SKIDA1: variants seen among roughly 807,000 people sequenced by gnomAD.
The protein encoded by SKIDA1 is SKI/DACH domain-containing protein 1.
In SKIDA1, 18 loss-of-function variants were observed where a neutral mutation model predicts 51.4. The ratio of observed to expected loss-of-function variants is 0.35; its 90% CI spans 0.24 to 0.52. The LOEUF is 0.52. SKIDA1 is among the 20% of genes least tolerant of loss of function. The pLI is 0.95. For synonymous variants in SKIDA1, 579 were observed against 500.5 expected, an observed-to-expected ratio of 1.16 and a Z score of -2.09; for missense variants, 1,104 against 1,180.6, an observed-to-expected ratio of 0.94 and a Z score of 0.95.
chr10:21,516,989 G>C lies in SKIDA1; in HGVS notation c.834C>G (p.Ala278=). 1 of 1,149,034 alleles carries C rather than the reference G, an allele frequency of 8.7e-7. No individual in the cohort carries two copies. Among genetic ancestry groups the C allele is most frequent in the Non-Finnish European group, 1.1e-6 (1 of 932,320 alleles). The allele number at this position is 1,149,034 out of a possible 1,614,324, so 71.2% of individuals were successfully genotyped here. The part of the protein sequence containing the change: ...SYRCKRKRGG[A]KDCLLAPHAG... ...CGTGAGGCGCGAGCAGGCAGTCCTTGGCGCCGCCGCGCTTGCGCTTGCAGC... is the reference window on the plus strand; with the variant it reads ...CGTGAGGCGCGAGCAGGCAGTCCTTCGCGCCGCCGCGCTTGCGCTTGCAGC... Residue 278 remains alanine, a synonymous_variant, in exon 4 of 4, where the codon GCC becomes GCG. Transcript: ENST00000449193. This position sits in a 1 kb window ranked among gnomAD's most constrained non-coding sequence, Gnocchi z 5.7.
rs1307644466 is a variant in SKIDA1 at position 21,514,507 on chromosome 10, A to AG, written c.*588_*589insC. ...ATCTTTCCACTAAAAAAAAAAAAAA[A>AG]AAGTTAAGTGCAACTACTCTTGGAG... On this transcript the variant is annotated 3_prime_UTR_variant, in exon 4 of 4. Coordinates refer to ENST00000449193, the MANE Select transcript of SKIDA1 (RefSeq NM_207371.4). 6.6e-6 allele frequency: 1 copy of AG among 152,212 alleles called. No homozygotes were observed. Among genetic ancestry groups the AG allele is most frequent in the Non-Finnish European group, 1.5e-5 (1 of 67,996 alleles). 9.4% of individuals were successfully genotyped at this position (152,212 alleles called of 1,614,324 possible). A position where few individuals can be genotyped will look rare whatever the true frequency, so the allele number is the denominator to read the frequency against.
rs1388218967 is a variant in SKIDA1 at position 21,517,836 on chromosome 10, T to A, written c.-14A>T. Reference sequence around the variant, plus strand: ...CAGGTCTCCCATCTCGGGCACTAAATGATCCCCACCATTTGCAGTAAATAT... The same window carrying A: ...CAGGTCTCCCATCTCGGGCACTAAAAGATCCCCACCATTTGCAGTAAATAT... On this transcript the variant is annotated 5_prime_UTR_variant, in exon 4 of 4. Coordinates refer to ENST00000449193, the MANE Select transcript of SKIDA1 (RefSeq NM_207371.4). The surrounding 1 kb of genome is among the most constrained non-coding windows in gnomAD (Gnocchi z 6.9). The A allele has an allele frequency of 2.5e-6, 4 of 1,593,528 alleles. No individual in the cohort carries two copies. The Admixed American group carries it at 6.8e-5, about 27-fold the overall frequency.
rs554530536 is a variant in SKIDA1 at position 21,514,704 on chromosome 10, T to G, written c.*392A>C. On this transcript the variant is annotated 3_prime_UTR_variant, in exon 4 of 4. Transcript: ENST00000449193. ...TTACACTTTCAGCTCTGAAATCTAG[T>G]GCATAAACTTAATGGCTCATTGTAA... The G allele has an allele frequency of 1.9e-5, 3 of 161,752 alleles. No homozygotes were observed. The East Asian group carries it at 5.5e-4, about 30-fold the overall frequency. 10.0% of individuals were successfully genotyped at this position (161,752 alleles called of 1,614,324 possible). A position where few individuals can be genotyped will look rare whatever the true frequency, so the allele number is the denominator to read the frequency against.
At chr10:21,525,362 C>T (rs901913751) in intron 1 of SKIDA1, among the ~76,000 whole-genome samples, 185 bp downstream of exon 1, 1 of 152,158 alleles carries the variant, frequency 6.6e-6, no homozygotes, top group Non-Finnish European at 1.5e-5. Context: ...TGGTTATCCG[C>T]AAGTCTGGCT....
Position 21,517,013 on chromosome 10 carries a change from G to A in SKIDA1, c.810C>T (p.Arg270=), listed in dbSNP as rs1372423656. The change falls in exon 4 of 4, where the codon CGC becomes CGT. Residue 270 remains arginine (R), a synonymous_variant. Coordinates refer to ENST00000449193, the MANE Select transcript of SKIDA1 (RefSeq NM_207371.4). This position sits in a 1 kb window ranked among gnomAD's most constrained non-coding sequence, Gnocchi z 6.9. ...TGGCGCCGCCGCGCTTGCGCTTGCA[G>A]CGGTAGCTCAGGCTCCCCGGGCCTC... ...GAGGPGSLSY[R]CKRKRGGAKD... The A allele has an allele frequency of 1.8e-6, 2 of 1,110,082 alleles. No individual in the cohort carries two copies. Among genetic ancestry groups the A allele is most frequent in the Non-Finnish European group, 2.2e-6 (2 of 912,442 alleles). 68.8% of individuals were successfully genotyped at this position (1,110,082 alleles called of 1,614,324 possible).
Position 21,515,758 on chromosome 10 carries a change from CTTTGAT to C in SKIDA1, c.2059_2064del (p.Ile687_Lys688del). 2 of 1,614,020 alleles carry C rather than the reference CTTTGAT, an allele frequency of 1.2e-6. No individual in the cohort carries two copies. The highest frequency in any genetic ancestry group is 1.7e-6 in the Non-Finnish European group (2 of 1,179,890). On this transcript the variant is annotated inframe_deletion, in exon 4 of 4. Coordinates refer to ENST00000449193, the MANE Select transcript of SKIDA1 (RefSeq NM_207371.4). ...TCTTCATTAGCACTACTGTCTTCTACTTTGATTTTAATATTGTGCAGAAATGGCAAT... is the reference window on the plus strand; with the variant it reads ...TCTTCATTAGCACTACTGTCTTCTACTTTAATATTGTGCAGAAATGGCAAT...
intron 2 of SKIDA1, among the ~76,000 whole-genome samples, chr10:21,521,945 A>G (rs1479773012): frequency 2.6e-5 from 4 of 152,218 alleles, no homozygotes; most frequent in Non-Finnish European, 4.4e-5. Context: ...TTACCTTTAG[A>G]TGCTCTATTT....
At chr10:21,522,023 G>T (rs1380683167) in intron 2 of SKIDA1, among the ~76,000 whole-genome samples, 1 of 152,166 alleles carries the variant, frequency 6.6e-6, no homozygotes, top group African/African-American at 2.4e-5. Context: ...TTCCTCTGGA[G>T]CGAAGTAATG....
Position 21,516,305 on chromosome 10 carries a change from G to T in SKIDA1, c.1518C>A (p.Pro506=). The T allele has an allele frequency of 1.2e-6, 2 of 1,613,782 alleles. No homozygotes were observed. The highest frequency in any genetic ancestry group is 1.7e-6 in the Non-Finnish European group (2 of 1,179,904). ...CCGCTTTGACACTACTCTTGAGGTC[G>T]GGAAGTCTGCCGGCATCCTCGAAAG... ...PAAFEDAGRL[P]DLKSSVKAES... is the part of the protein sequence containing the mutation. Residue 506 remains proline, a synonymous_variant, in exon 4 of 4, where the codon CCC becomes CCA. Coordinates refer to ENST00000449193, the MANE Select transcript of SKIDA1 (RefSeq NM_207371.4). This position sits in a 1 kb window ranked among gnomAD's most constrained non-coding sequence, Gnocchi z 5.7.
intron 3 of SKIDA1, among the ~76,000 whole-genome samples, chr10:21,520,223 A>G (rs2032353184): frequency 6.6e-6 from 1 of 152,170 alleles, no homozygotes; most frequent in African/African-American, 2.4e-5. Flanking sequence ...GCCTCGTCAC[A>G]GCTAATACCA....
Position 21,521,111 on chromosome 10 carries a change from T to G in SKIDA1, c.-1837+278A>C, listed in dbSNP as rs565434818. On this transcript the variant is annotated intron_variant, in intron 3 of 3. Coordinates refer to ENST00000449193, the MANE Select transcript of SKIDA1 (RefSeq NM_207371.4). ...ACAAACACAGAATGTGACAGACAGC[T>G]TTCTTGGGCCATCAGCACACGTTGC... Among the ~76,000 whole-genome samples, 11 of 144,968 alleles carry G rather than the reference T, an allele frequency of 7.6e-5. No homozygotes were observed. In the East Asian group the frequency reaches 2.1e-3, roughly 28 times the overall value.
rs1442337866 is a variant in SKIDA1 at position 21,519,664 on chromosome 10, A to T, written c.-1836-6T>A. The T allele has an allele frequency of 6.0e-6, 1 of 167,110 alleles. No individual in the cohort carries two copies. The highest frequency in any genetic ancestry group is 1.5e-5 in the Non-Finnish European group (1 of 68,116). 10.4% of individuals were successfully genotyped at this position (167,110 alleles called of 1,614,324 possible). On this transcript the variant is annotated splice_polypyrimidine_tract_variant and splice_region_variant and intron_variant, in intron 3 of 3. Transcript: ENST00000449193. ...ATAAACGGATATTTCTGAGCCTGCA[A>T]GAAAAAAATTATACAGTAATTTCTT...
chr10:21,524,070 T>C lies in SKIDA1; in HGVS notation c.-2117-199A>G, dbSNP rs370212217. 1.2e-4 allele frequency among the ~76,000 whole-genome samples: 18 copies of C among 152,306 alleles called. No individual in the cohort carries two copies. The South Asian group carries it at 3.7e-3, about 32-fold the overall frequency. ...ATATTAACCAGAAAATTCGCTTTTT[T>C]GTTATGGAATCATAGGGTGAAAATT... On this transcript the variant is annotated intron_variant, in intron 1 of 3. Coordinates refer to ENST00000449193, the MANE Select transcript of SKIDA1 (RefSeq NM_207371.4).
In SKIDA1 at chr10:21,519,023, A is replaced by C. The variant is rs974901668; in HGVS notation, c.-1201T>G. 1.8e-5 allele frequency: 3 copies of C among 167,056 alleles called. No individual in the cohort carries two copies. Among genetic ancestry groups the C allele is most frequent in the Non-Finnish European group, 2.9e-5 (2 of 68,142 alleles). 10.3% of individuals were successfully genotyped at this position (167,056 alleles called of 1,614,324 possible). A position where few individuals can be genotyped will look rare whatever the true frequency, so the allele number is the denominator to read the frequency against. ...GGTAGTTTCACGTCAGACCCATAAC[A>C]AAGCATAGATAAGCCAGAAATGTGT... On this transcript the variant is annotated 5_prime_UTR_variant, in exon 4 of 4. Coordinates refer to ENST00000449193, the MANE Select transcript of SKIDA1 (RefSeq NM_207371.4).
rs879195975 is a variant in SKIDA1, at chr10:21,514,919, G to GA, written c.*176dup. ...CCCACCCCGCCCCCACCCTACTCCA[G>GA]AAAAAAAAAAAAAAACCCGCAACGG... On this transcript the variant is annotated 3_prime_UTR_variant, in exon 4 of 4. Coordinates refer to ENST00000449193, the MANE Select transcript of SKIDA1 (RefSeq NM_207371.4). 0.22 allele frequency: 19,558 copies of GA among 89,026 alleles called. 30 individuals are homozygous for GA. Among genetic ancestry groups the GA allele is most frequent in the Non-Finnish European group, 0.26 (16,972 of 65,784 alleles). 5.5% of individuals were successfully genotyped at this position (89,026 alleles called of 1,614,324 possible).
chr10:21,525,393 A>G (rs1391274957), intron 1 of SKIDA1, among the ~76,000 whole-genome samples, 154 bp downstream of exon 1: 6 of 152,162 alleles, frequency 3.9e-5, no homozygotes, highest in Non-Finnish European at 7.3e-5. Context: ...GCGTGGCTGA[A>G]TAAGTGACCA....
intron 3 of SKIDA1, 33 bp downstream of exon 3, chr10:21,521,356 A>G (rs1564338062): frequency 6.6e-6 from 1 of 152,640 alleles, no homozygotes; most frequent in African/African-American, 2.4e-5. Context: ...TCTGTTATCA[A>G]TTATGCTTAA....
Position 21,517,124 on chromosome 10 carries a change from A to AGCG in SKIDA1, c.696_698dup (p.Ala244dup), listed in dbSNP as rs754621872. ...CGGCGGCGGCGGCGGCGGCGGCAGCAGCGGCGGCGGCGGCGGCGGCGGCGG... is the reference window on the plus strand; with the variant it reads ...CGGCGGCGGCGGCGGCGGCGGCAGCAGCGGCGGCGGCGGCGGCGGCGGCGGCGG... On this transcript the variant is annotated inframe_insertion, in exon 4 of 4. Coordinates refer to ENST00000449193, the MANE Select transcript of SKIDA1 (RefSeq NM_207371.4). The surrounding 1 kb of genome is among the most constrained non-coding windows in gnomAD (Gnocchi z 6.9). The AGCG allele has an allele frequency of 6.0e-4, 622 of 1,041,582 alleles. No homozygotes were observed. The highest frequency in any genetic ancestry group is 1.3e-3 in the Middle Eastern group (3 of 2,250). 64.5% of individuals were successfully genotyped at this position (1,041,582 alleles called of 1,614,324 possible).
chr10:21,521,058 GCACACA>G (rs139184900), intron 3 of SKIDA1, among the ~76,000 whole-genome samples: 5 of 146,764 alleles, frequency 3.4e-5, no homozygotes, highest in East Asian at 4.0e-4. Context: ...ATGAGTGCAT[GCACACA>G]CACACACACA....
Sources: allele counts gnomAD v4.1 joint callset (sites outside exome capture counted in the v4.1 genomes callset), GRCh38; gene constraint gnomAD v4.1.1; non-coding constraint Gnocchi (gnomAD v3.1); transcripts MANE v1.5; gene names NCBI Gene and HGNC (gene_info 2026-07-23, HGNC 2026-07-21).